The following DIAPH2 variants were observed in gnomAD, a reference collection of about 807,000 sequenced individuals.
DIAPH2 encodes protein diaphanous homolog 2.
In DIAPH2, 35 loss-of-function variants were observed where a neutral mutation model predicts 92.7. That is an observed-to-expected ratio of 0.38 (90% CI 0.29 to 0.50). The LOEUF (loss-of-function observed/expected upper bound fraction) is 0.50, where lower values mean the gene tolerates loss of function less well. DIAPH2 is among the 20% of genes least tolerant of loss of function. The pLI is 0.94. For synonymous variants in DIAPH2, 301 were observed against 280.4 expected (o/e 1.07, Z -0.73); for missense variants, 701 against 819.5 (o/e 0.86, Z 1.77).
At chrX:97,171,923 G>C (rs1389211541) in intron 22 of DIAPH2, among the ~76,000 whole-genome samples, 1 of 107,411 alleles carries the variant, frequency 9.3e-6, no homozygotes, top group South Asian at 4.2e-4. Context: ...CCGGGCAACA[G>C]AGCAAGACTC....
At chrX:97,085,106 A>AT (rs1373661291) in intron 19 of DIAPH2, among the ~76,000 whole-genome samples, 1 of 111,303 alleles carries the variant, frequency 9.0e-6, no homozygotes, top group East Asian at 2.8e-4. Context: ...GTAGTTGCAT[A>AT]TTTTTTGTTT....
At chrX:96,792,679 T>C (rs750142530) in intron 4 of DIAPH2, among the ~76,000 whole-genome samples, 1 of 112,147 alleles carries the variant, frequency 8.9e-6, no homozygotes, top group East Asian at 2.8e-4. Flanking sequence ...GGTTTGAGGA[T>C]ACTTTTTCTA....
intron 21 of DIAPH2, among the ~76,000 whole-genome samples, chrX:97,137,882 A>G (rs2067183964): frequency 1.8e-5 from 2 of 112,149 alleles, no homozygotes; most frequent in African/African-American, 3.2e-5. Flanking sequence ...GAAATTAAAC[A>G]TTTGAAGAAT....
intron 26 of DIAPH2, among the ~76,000 whole-genome samples, chrX:97,479,729 A>G (rs1291726823): frequency 9.0e-6 from 1 of 110,548 alleles, no homozygotes; most frequent in Non-Finnish European, 1.9e-5. Context: ...TGTAAACTAT[A>G]TGAGAGTAGG....
intron 4 of DIAPH2, among the ~76,000 whole-genome samples, chrX:96,817,312 C>G (rs935542823): frequency 6.3e-5 from 7 of 110,908 alleles, no homozygotes; most frequent in African/African-American, 2.3e-4. Context: ...GCACTGCACG[C>G]CCGTATCACC....
At position 96,787,686 on chromosome X, in the gene DIAPH2, CTTTTTTTTTTT is replaced by C. The variant is rs56998803; in HGVS notation, c.447+29440_447+29450del. 1.3e-3 allele frequency among the ~76,000 whole-genome samples: 71 copies of C among 54,734 alleles called. No homozygotes were observed. The East Asian group carries it at 0.037, about 29-fold the overall frequency. 47.5% of individuals were successfully genotyped at this position (54,734 alleles called of 115,157 possible). On this transcript the variant is annotated intron_variant, in intron 4 of 26. Transcript: ENST00000324765. The stretch of plus-strand genomic sequence containing the variant: ...AGGATGGTAGACATTACTCTTTTCT[CTTTTTTTTTTT>C]TTTTTTTTTTTGAGACAGAGTCTCA...
intron 17 of DIAPH2, among the ~76,000 whole-genome samples, chrX:97,024,387 C>T (rs1237579527): frequency 8.9e-6 from 1 of 112,024 alleles, no homozygotes; most frequent in Non-Finnish European, 1.9e-5. Context: ...TTCATATCTA[C>T]ACATATTCCA....
intron 25 of DIAPH2, among the ~76,000 whole-genome samples, chrX:97,394,658 C>A (rs1202153961): frequency 1.8e-5 from 2 of 111,555 alleles, no homozygotes; most frequent in East Asian, 5.6e-4. Context: ...TCTTTAGGTC[C>A]ATGTTAAGGC....
At chrX:97,047,110 A>G (rs1246110984) in intron 17 of DIAPH2, among the ~76,000 whole-genome samples, 1 of 111,546 alleles carries the variant, frequency 9.0e-6, no homozygotes, top group East Asian at 2.8e-4. Context: ...TACAGTCTTT[A>G]GTAAATGACA....
intron 23 of DIAPH2, among the ~76,000 whole-genome samples, chrX:97,313,389 T>G (rs1284302378): frequency 9.0e-6 from 1 of 111,633 alleles, no homozygotes; most frequent in Non-Finnish European, 1.9e-5. Flanking sequence ...CATAGAAAAA[T>G]AACTTTATAT....
chrX:96,864,174 AATG>A (rs2065089812), intron 4 of DIAPH2, among the ~76,000 whole-genome samples: 1 of 111,956 alleles, frequency 8.9e-6, no homozygotes, highest in Non-Finnish European at 1.9e-5. Context: ...CTGATATAAA[AATG>A]ATGTCATGAA....
intron 22 of DIAPH2, among the ~76,000 whole-genome samples, chrX:97,146,402 A>G (rs2067248208): frequency 9.0e-6 from 1 of 110,829 alleles, no homozygotes; most frequent in Non-Finnish European, 1.9e-5. Flanking sequence ...AATGAATTAT[A>G]TAGCTAATAT....
rs1384818377 is a variant in DIAPH2, at chrX:96,775,669, C to T, written c.447+17411C>T. ...TGGATGCTTAGAGCGTACGTTAAAA[C>T]ACAGTGAAAATCATAATATTTGGGC... On this transcript the variant is annotated intron_variant, in intron 4 of 26. Coordinates refer to ENST00000324765, the MANE Select transcript of DIAPH2 (RefSeq NM_006729.5). 1.0e-4 allele frequency among the ~76,000 whole-genome samples: 11 copies of T among 110,389 alleles called. No individual in the cohort carries two copies. The Admixed American group carries it at 1.1e-3, about 11-fold the overall frequency.
Position 97,315,255 on chromosome X carries a change from A to G in DIAPH2, c.2845-32861A>G, listed in dbSNP as rs749261282. On this transcript the variant is annotated intron_variant, in intron 23 of 26. Coordinates refer to ENST00000324765, the MANE Select transcript of DIAPH2 (RefSeq NM_006729.5). Reference sequence around the variant, plus strand: ...GGAGATCTGGGCTGCAGTAACGATCATGGTGCCTGTAAGTAGCCACTGCAC... The same window carrying G: ...GGAGATCTGGGCTGCAGTAACGATCGTGGTGCCTGTAAGTAGCCACTGCAC... 7.2e-5 allele frequency among the ~76,000 whole-genome samples: 8 copies of G among 111,877 alleles called. No homozygotes were observed. The South Asian group carries it at 1.5e-3, about 21-fold the overall frequency.
chrX:97,045,672 A>G (rs1476943908), intron 17 of DIAPH2, among the ~76,000 whole-genome samples: 1 of 108,052 alleles, frequency 9.3e-6, no homozygotes, highest in Non-Finnish European at 1.9e-5. Context: ...GTACGATCAA[A>G]TGAATCAAAT....
intron 10 of DIAPH2, among the ~76,000 whole-genome samples, chrX:96,934,680 G>GA (rs200907588): frequency 0.49 from 54,330 of 109,886 alleles, 9,888 homozygotes; most frequent in South Asian, 0.62. Context: ...CATTTATATG[G>GA]AATTTCACGT....
intron 24 of DIAPH2, among the ~76,000 whole-genome samples, chrX:97,360,598 C>G (rs774536333): frequency 9.0e-6 from 1 of 111,670 alleles, no homozygotes; most frequent in South Asian, 3.8e-4. Flanking sequence ...GACTCCAGCC[C>G]AGGCGACAGA....
rs541681495 is a variant in DIAPH2, at chrX:96,807,944, C to CAAAAAAAAAAAAAAAA, written c.447+49710_447+49725dup. Among the ~76,000 whole-genome samples the CAAAAAAAAAAAAAAAA allele has an allele frequency of 6.9e-4, 10 of 14,490 alleles. 4 individuals are homozygous for CAAAAAAAAAAAAAAAA. The highest frequency in any genetic ancestry group is 9.7e-4 in the Non-Finnish European group (8 of 8,260). 12.6% of individuals were successfully genotyped at this position (14,490 alleles called of 115,157 possible). ...GTGAGATTTGGTATTGTAGAAATAG[C>CAAAAAAAAAAAAAAAA]AAAAAAAAAAAAAAAAAAAAAAAAA... is the stretch of plus-strand genomic sequence containing the variant. On this transcript the variant is annotated intron_variant, in intron 4 of 26. Coordinates refer to ENST00000324765, the MANE Select transcript of DIAPH2 (RefSeq NM_006729.5).
chrX:97,337,798 G>C (rs1411833656), intron 23 of DIAPH2, among the ~76,000 whole-genome samples: 1 of 110,414 alleles, frequency 9.1e-6, no homozygotes, highest in Non-Finnish European at 1.9e-5. Context: ...TCCTGGCCTG[G>C]TCCTGGCTGA....
Sources: gnomAD v4.1 joint callset for allele counts (sites outside exome capture counted in the v4.1 genomes callset) on GRCh38, gnomAD v4.1.1 for gene constraint, MANE v1.5 for transcripts, NCBI Gene and HGNC (gene_info 2026-07-23, HGNC 2026-07-21) for gene names.